Variants in RECK observed in about 807,000 individuals in gnomAD.
The protein encoded by RECK is reversion-inducing cysteine-rich protein with Kazal motifs.
Under a neutral mutation model 115.1 loss-of-function variants are expected in RECK, and 69 were observed. That is an observed-to-expected ratio of 0.60 (90% CI 0.49 to 0.73). The LOEUF (loss-of-function observed/expected upper bound fraction) is 0.73. RECK is among the 30% of genes least tolerant of loss of function. RECK has a pLI of 0.00. For synonymous variants in RECK, 414 were observed against 419.7 expected, an observed-to-expected ratio of 0.99 and a Z score of 0.17; for missense variants, 1,047 against 1,203.7, an observed-to-expected ratio of 0.87 and a Z score of 1.93.
At chr9:36,089,393 A>C (rs1383537488) in intron 9 of RECK, among the ~76,000 whole-genome samples, 2 of 152,142 alleles carry the variant, frequency 1.3e-5, no homozygotes, top group Non-Finnish European at 2.9e-5. Context: ...TCTTCATAAA[A>C]CCTTAGGAGA....
intron 6 of RECK, among the ~76,000 whole-genome samples, chr9:36,073,271 C>CACACACAT (rs1822315576): frequency 1.3e-5 from 2 of 150,094 alleles, no homozygotes; most frequent in African/African-American, 4.9e-5. Context: ...CACACACACA[C>CACACACAT]ACACACATCC....
intron 17 of RECK, among the ~76,000 whole-genome samples, chr9:36,118,178 T>C (rs1564138514): frequency 6.6e-6 from 1 of 152,180 alleles, no homozygotes; most frequent in Non-Finnish European, 1.5e-5. Context: ...CCCTGAAACA[T>C]GCTTGTTTTC....
chr9:36,116,374 G>A (rs1249746283), intron 16 of RECK, among the ~76,000 whole-genome samples: 3 of 152,108 alleles, frequency 2.0e-5, no homozygotes, highest in East Asian at 3.9e-4. Flanking sequence ...TGATCCACCC[G>A]CCTCGGCCTT....
At chr9:36,058,645 A>T (rs1224704313) in intron 2 of RECK, among the ~76,000 whole-genome samples, 182 bp from the exon 3 acceptor site, 2 of 150,238 alleles carry the variant, frequency 1.3e-5, no homozygotes, top group African/African-American at 4.9e-5. Flanking sequence ...TAAAACTTAA[A>T]GTATAATAAT....
At chr9:36,078,973 G>A (rs1331843411) in intron 6 of RECK, among the ~76,000 whole-genome samples, 1 of 152,082 alleles carries the variant, frequency 6.6e-6, no homozygotes, top group Non-Finnish European at 1.5e-5. Flanking sequence ...TCGGCTCACT[G>A]CAACCTCCGC....
At chr9:36,079,383 C>T (rs1822589522) in intron 6 of RECK, among the ~76,000 whole-genome samples, 1 of 152,146 alleles carries the variant, frequency 6.6e-6, no homozygotes. Flanking sequence ...TACTTTTTCA[C>T]TCCTGTTATA....
chr9:36,116,569 A>G (rs937916963), intron 16 of RECK, among the ~76,000 whole-genome samples: 5 of 152,168 alleles, frequency 3.3e-5, no homozygotes, highest in African/African-American at 1.2e-4. Context: ...CTTCTGCTAT[A>G]GGTCTGTCTG....
chr9:36,102,634 G>C (rs1431380302), intron 12 of RECK, among the ~76,000 whole-genome samples: 1 of 151,966 alleles, frequency 6.6e-6, no homozygotes, highest in East Asian at 1.9e-4. Flanking sequence ...AATTGGCTTG[G>C]ACTTACTCAC....
chr9:36,100,717 A>C (rs1235956137), intron 11 of RECK, among the ~76,000 whole-genome samples, 174 bp downstream of exon 11: 1 of 151,960 alleles, frequency 6.6e-6, no homozygotes, highest in Admixed American at 6.6e-5. Flanking sequence ...TCCCCTCATC[A>C]CCACCTACTG....
intron 16 of RECK, among the ~76,000 whole-genome samples, chr9:36,116,624 G>T (rs1824277449): frequency 6.6e-6 from 1 of 152,128 alleles, no homozygotes; most frequent in African/African-American, 2.4e-5. Flanking sequence ...CATTTCCCCA[G>T]CACCACATTC....
At chr9:36,058,620 T>A (rs1320967018) in intron 2 of RECK, among the ~76,000 whole-genome samples, 2 of 148,970 alleles carry the variant, frequency 1.3e-5, no homozygotes, top group African/African-American at 2.5e-5. Flanking sequence ...ACCTGCACAT[T>A]GTGCACATGT....
rs1162956783 is a variant in RECK at position 36,122,831 on chromosome 9, C to G, written c.2702C>G (p.Ala901Gly). The G allele has an allele frequency of 6.2e-7, 1 of 1,613,638 alleles. No homozygotes were observed. The highest frequency in any genetic ancestry group is 8.5e-7 in the Non-Finnish European group (1 of 1,179,630). The change falls in exon 21 of 21, where the codon GCC becomes GGC. Residue 901 changes from alanine (A) to glycine (G), a missense_variant. Coordinates refer to ENST00000377966, the MANE Select transcript of RECK (RefSeq NM_021111.3). The part of the protein sequence containing the change: ...DHYPKALQIE[A>G]CNKEAEKIES... Reference sequence around the variant, plus strand: ...CCTTGTTTCTCCTCACAGATTGAAGCCTGCAATAAAGAAGCAGAGAAGATT... The same window carrying G: ...CCTTGTTTCTCCTCACAGATTGAAGGCTGCAATAAAGAAGCAGAGAAGATT...
intron 16 of RECK, among the ~76,000 whole-genome samples, chr9:36,113,983 C>T (rs1480824768): frequency 3.9e-5 from 6 of 152,116 alleles, no homozygotes; most frequent in African/African-American, 9.7e-5. Flanking sequence ...CTTCAGCAGG[C>T]GGCTTTCCAT....
chr9:36,092,444 T>C (rs955262771), intron 10 of RECK, among the ~76,000 whole-genome samples: 1 of 151,902 alleles, frequency 6.6e-6, no homozygotes, highest in African/African-American at 2.4e-5. Context: ...TGATCTCGGC[T>C]CACTGCAACC....
In RECK at chr9:36,087,949, C is replaced by T. The variant is rs1588314215; in HGVS notation, c.893C>T (p.Thr298Ile). 1 of 1,611,102 alleles carries T rather than the reference C, an allele frequency of 6.2e-7. No individual in the cohort carries two copies. The highest frequency in any genetic ancestry group is 1.1e-5 in the South Asian group (1 of 90,674). Reference sequence around the variant, plus strand: ...TTGCATTGTTGTTCTAAAGCAAACACTTCAACATGTAGGTTAGTATTTCAT... The same window carrying T: ...TTGCATTGTTGTTCTAAAGCAAACATTTCAACATGTAGGTTAGTATTTCAT... ...AKLHCCSKANTSTCRELCTKL... is the reference protein window; with the variant it reads ...AKLHCCSKANISTCRELCTKL... Residue 298 changes from threonine to isoleucine, a missense_variant, in exon 9 of 21, where the codon ACT (threonine) becomes ATT (isoleucine). Coordinates refer to ENST00000377966, the MANE Select transcript of RECK (RefSeq NM_021111.3).
chr9:36,056,894 C>T (rs1044860591), intron 2 of RECK: 1 of 782,070 alleles, frequency 1.3e-6, no homozygotes, highest in Non-Finnish European at 1.6e-6. Context: ...TATCTCTTTT[C>T]ACTTCTTAAT....
intron 13 of RECK, among the ~76,000 whole-genome samples, chr9:36,107,504 C>G (rs1823868087): frequency 6.6e-6 from 1 of 151,000 alleles, no homozygotes; most frequent in Non-Finnish European, 1.5e-5. Context: ...ACTTGGAAGG[C>G]TGAGGCAGAA....
intron 6 of RECK, among the ~76,000 whole-genome samples, chr9:36,073,792 TTG>T (rs1023615963): frequency 2.0e-5 from 3 of 152,158 alleles, no homozygotes; most frequent in African/African-American, 4.8e-5. Context: ...GTTGTTTTAT[TTG>T]TTAGTTGTAG....
At chr9:36,071,272 TTGA>T (rs1822219718) in intron 6 of RECK, among the ~76,000 whole-genome samples, 1 of 152,226 alleles carries the variant, frequency 6.6e-6, no homozygotes, top group East Asian at 1.9e-4. Context: ...TTTTTGGTTG[TTGA>T]TGGTTAATTT....
Sources: gnomAD v4.1 joint callset for allele counts (sites outside exome capture counted in the v4.1 genomes callset) on GRCh38, gnomAD v4.1.1 for gene constraint, MANE v1.5 for transcripts, NCBI Gene and HGNC (gene_info 2026-07-23, HGNC 2026-07-21) for gene names.